The following CCSER1 variants were observed in gnomAD, a reference collection of about 807,000 sequenced individuals.
CCSER1 encodes the protein serine-rich coiled-coil domain-containing protein 1.
In CCSER1, 41 loss-of-function variants were observed where a neutral mutation model predicts 82.0. That is an observed-to-expected ratio of 0.50 (90% CI 0.39 to 0.65). The LOEUF (loss-of-function observed/expected upper bound fraction) is 0.65. CCSER1 is among the 30% of genes least tolerant of loss of function. The pLI is 0.00. For synonymous variants in CCSER1, 414 were observed against 383.9 expected (o/e 1.08, Z -0.92); for missense variants, 1,119 against 1,064.2 (o/e 1.05, Z -0.72).
intron 10 of CCSER1, among the ~76,000 whole-genome samples, chr4:91,423,733 C>T (rs936223617): frequency 6.6e-6 from 1 of 152,094 alleles, no homozygotes; most frequent in East Asian, 1.9e-4. Context: ...AAATTTTAGC[C>T]TATAAAAATA....
chr4:90,473,551 A>G (rs1391603848), intron 5 of CCSER1, among the ~76,000 whole-genome samples: 1 of 152,208 alleles, frequency 6.6e-6, no homozygotes, highest in East Asian at 1.9e-4. Flanking sequence ...GGTAACAGAC[A>G]TTATCATTTA....
At chr4:90,210,453 T>TC in intron 1 of CCSER1, among the ~76,000 whole-genome samples, 1 of 151,034 alleles carries the variant, frequency 6.6e-6, no homozygotes, top group East Asian at 1.9e-4. Context: ...TTCTTTTCTT[T>TC]TTTTTTTTTG....
At chr4:90,542,595 T>C (rs2153636458) in intron 5 of CCSER1, among the ~76,000 whole-genome samples, 1 of 152,208 alleles carries the variant, frequency 6.6e-6, no homozygotes, top group African/African-American at 2.4e-5. Context: ...GAATTGCAAG[T>C]GTATATGCTA....
chr4:90,250,671 T>G (rs550123469), intron 1 of CCSER1, among the ~76,000 whole-genome samples: 1 of 152,082 alleles, frequency 6.6e-6, no homozygotes, highest in Non-Finnish European at 1.5e-5. Context: ...GTTCCCTTTT[T>G]CAAAATTGTT....
chr4:91,402,535 A>G (rs1752410356), intron 10 of CCSER1, among the ~76,000 whole-genome samples: 2 of 152,080 alleles, frequency 1.3e-5, no homozygotes, highest in African/African-American at 4.8e-5. Flanking sequence ...TAGGTCTAAC[A>G]TTTAAGTCTT....
chr4:91,289,079 A>G (rs781065782), intron 10 of CCSER1, among the ~76,000 whole-genome samples: 2 of 152,070 alleles, frequency 1.3e-5, no homozygotes, highest in Non-Finnish European at 2.9e-5. Context: ...TTACATCAGG[A>G]AAAACCCTAT....
At chr4:90,276,625 C>T (rs1206495497) in intron 1 of CCSER1, among the ~76,000 whole-genome samples, 9 of 152,020 alleles carry the variant, frequency 5.9e-5, no homozygotes, top group Admixed American at 3.9e-4. Context: ...GGATTATAGG[C>T]GTGAGCCACT....
At chr4:91,523,424 G>C (rs1352359438) in intron 10 of CCSER1, among the ~76,000 whole-genome samples, 1 of 152,122 alleles carries the variant, frequency 6.6e-6, no homozygotes, top group African/African-American at 2.4e-5. Flanking sequence ...TTTTTCTGTT[G>C]ACTGGCATAG....
intron 5 of CCSER1, among the ~76,000 whole-genome samples, chr4:90,494,907 GC>G (rs1768738849): frequency 6.6e-6 from 1 of 151,722 alleles, no homozygotes; most frequent in Non-Finnish European, 1.5e-5. Flanking sequence ...TCCTCGTACA[GC>G]TTTGTTGATG....
rs143150354 is a variant in CCSER1 at position 90,882,415 on chromosome 4, T to G, written c.2095-40955T>G. ...CAGAACATAGAGAGCCAAGACACAC[T>G]TAGTATTTACTAAGTATTTTATACT... On this transcript the variant is annotated intron_variant, in intron 8 of 10. Coordinates refer to ENST00000509176, the MANE Select transcript of CCSER1 (RefSeq NM_001145065.2). Among the ~76,000 whole-genome samples, 74 of 152,154 alleles carry G rather than the reference T, an allele frequency of 4.9e-4. 1 individual carries two copies. In the East Asian group the frequency reaches 0.012, roughly 25 times the overall value.
intron 10 of CCSER1, among the ~76,000 whole-genome samples, chr4:91,093,837 C>G (rs28786131): frequency 2.3e-4 from 35 of 151,994 alleles, no homozygotes; most frequent in African/African-American, 8.2e-4. Context: ...CAGTTGCCCC[C>G]CTTTGTAACC....
intron 1 of CCSER1, among the ~76,000 whole-genome samples, chr4:90,153,126 A>G (rs1009601410): frequency 6.8e-6 from 1 of 147,366 alleles, no homozygotes; most frequent in African/African-American, 2.5e-5. Flanking sequence ...ATGAGTGAGA[A>G]TATGCGGTGT....
At chr4:90,440,837 G>A (rs138461025) in intron 4 of CCSER1, among the ~76,000 whole-genome samples, 3 of 151,954 alleles carry the variant, frequency 2.0e-5, no homozygotes, top group Admixed American at 1.3e-4. Flanking sequence ...TTAAATAATC[G>A]CTCTTAGCTC....
intron 4 of CCSER1, among the ~76,000 whole-genome samples, chr4:90,465,072 T>C (rs1461014939): frequency 1.3e-5 from 2 of 152,096 alleles, no homozygotes; most frequent in African/African-American, 4.8e-5. Flanking sequence ...CAAGTGATTC[T>C]CCTGCCTCAG....
chr4:90,986,471 A>G (rs976384067), intron 9 of CCSER1, among the ~76,000 whole-genome samples: 1 of 151,824 alleles, frequency 6.6e-6, no homozygotes, highest in Non-Finnish European at 1.5e-5. Context: ...AAGAAAAAAT[A>G]GAGTGTATAT....
intron 8 of CCSER1, among the ~76,000 whole-genome samples, chr4:90,882,528 G>A (rs1180153477): frequency 6.6e-6 from 1 of 151,922 alleles, no homozygotes; most frequent in Non-Finnish European, 1.5e-5. Flanking sequence ...GCTGCTGTGA[G>A]GCTCAAATGA....
chr4:90,673,749 G>A (rs1164835872), intron 6 of CCSER1, among the ~76,000 whole-genome samples: 2 of 151,940 alleles, frequency 1.3e-5, no homozygotes, highest in African/African-American at 4.8e-5. Context: ...TGCAAAAACA[G>A]CAACTTTGCT....
At chr4:91,179,169 A>C (rs6819343) in intron 10 of CCSER1, among the ~76,000 whole-genome samples, 111,039 of 152,164 alleles carry the variant, frequency 0.73, 40,787 homozygotes, top group Non-Finnish European at 0.78. Context: ...GCCAAGAGAT[A>C]CACTGTTGGT....
At chr4:90,855,068 C>T (rs72663663) in intron 8 of CCSER1, among the ~76,000 whole-genome samples, 10,813 of 152,080 alleles carry the variant, frequency 0.071, 495 homozygotes, top group Admixed American at 0.13. Context: ...AACTCACTCA[C>T]GAGAACAGCA....
Sources: gnomAD v4.1 joint callset for allele counts (sites outside exome capture counted in the v4.1 genomes callset) on GRCh38, gnomAD v4.1.1 for gene constraint, MANE v1.5 for transcripts, NCBI Gene and HGNC (gene_info 2026-07-23, HGNC 2026-07-21) for gene names.